The following LHX4 variants were observed in gnomAD, a reference collection of about 807,000 sequenced individuals.
LHX4 encodes LIM homeobox 4.
In LHX4, 16 loss-of-function variants were observed where a neutral mutation model predicts 39.2. That is an observed-to-expected ratio of 0.41 (90% confidence interval 0.28 to 0.62). The LOEUF is 0.62. LHX4 is among the 20% of genes least tolerant of loss of function. The pLI, the probability that LHX4 is intolerant of heterozygous loss-of-function variation, is 0.33. For missense variants in LHX4, 439 were observed against 511.9 expected, an observed-to-expected ratio of 0.86 and a Z score of 1.37; for synonymous variants, 206 against 198.1, an observed-to-expected ratio of 1.04 and a Z score of -0.33.
chr1:180,271,640 A>AC, intron 4 of LHX4, 106 bp downstream of exon 4: 1 of 1,463,652 alleles, frequency 6.8e-7, no homozygotes, highest in African/African-American at 1.4e-5. Flanking sequence ...TCAGGGCTTG[A>AC]CCCCAGGGCT....
At chr1:180,229,625 G>A (rs986960842), upstream of LHX4, among the ~76,000 whole-genome samples, 1 of 152,100 alleles carries the variant, frequency 6.6e-6, no homozygotes, top group Non-Finnish European at 1.5e-5. Context: ...GGAAAGAGGA[G>A]GAGGAAGATA....
At chr1:180,228,698 C>T (rs1398968629), upstream of LHX4, among the ~76,000 whole-genome samples, 1 of 152,138 alleles carries the variant, frequency 6.6e-6, no homozygotes, top group East Asian at 1.9e-4. Flanking sequence ...TACCAGGACA[C>T]ACAAAAGTCA....
rs760980223 is a variant in LHX4, at chr1:180,274,443, A to G, written c.1037A>G (p.Gln346Arg). The stretch of plus-strand genomic sequence containing the variant: ...TTGGGCATCATTGCGCATGCAGGGC[A>G]GGGAGTAAGCCAGACGCTGAGAGCC... ...SNLGIIAHAG[Q>R]GVSQTLRAMA... Residue 346 changes from glutamine to arginine, a missense_variant, in exon 6 of 6, where the codon CAG (glutamine) becomes CGG (arginine). Coordinates refer to ENST00000263726, the MANE Select transcript of LHX4 (RefSeq NM_033343.4). 1.2e-6 allele frequency: 2 copies of G among 1,614,240 alleles called. No individual in the cohort carries two copies. The highest frequency in any genetic ancestry group is 8.5e-7 in the Non-Finnish European group (1 of 1,180,048).
intron 2 of LHX4, among the ~76,000 whole-genome samples, chr1:180,262,784 A>G (rs903096736): frequency 1.3e-5 from 2 of 151,862 alleles, no homozygotes; most frequent in African/African-American, 4.8e-5. Flanking sequence ...TCGTTCACTC[A>G]TTCGTTTGCT....
At chr1:180,262,709 G>C (rs1399625196) in intron 2 of LHX4, among the ~76,000 whole-genome samples, 1 of 151,136 alleles carries the variant, frequency 6.6e-6, no homozygotes, top group Non-Finnish European at 1.5e-5. Flanking sequence ...AAAGAAAAGA[G>C]CTGCCATTAT....
intron 2 of LHX4, among the ~76,000 whole-genome samples, chr1:180,262,804 A>T (rs1648162978): frequency 6.6e-6 from 1 of 152,096 alleles, no homozygotes; most frequent in African/African-American, 2.4e-5. Context: ...TCATTCGTTC[A>T]TTCATTCATT....
At chr1:180,268,001 G>A (rs1401166367) in intron 3 of LHX4, among the ~76,000 whole-genome samples, 1 of 152,120 alleles carries the variant, frequency 6.6e-6, no homozygotes, top group Non-Finnish European at 1.5e-5. Flanking sequence ...GCCTTTCAGG[G>A]TGGACAGAGG....
intron 3 of LHX4, among the ~76,000 whole-genome samples, chr1:180,268,956 C>T (rs1648457874): frequency 6.6e-6 from 1 of 152,194 alleles, no homozygotes; most frequent in South Asian, 2.1e-4. Context: ...CAAAGGATCT[C>T]AGAGCAGTTA....
chr1:180,268,535 C>A (rs1648433026), intron 3 of LHX4, among the ~76,000 whole-genome samples: 1 of 152,208 alleles, frequency 6.6e-6, no homozygotes, highest in Non-Finnish European at 1.5e-5. Flanking sequence ...GATCTCCTGG[C>A]AAGTTGTAGA....
At chr1:180,236,700 T>C (rs965102952) in intron 1 of LHX4, among the ~76,000 whole-genome samples, 3 of 152,196 alleles carry the variant, frequency 2.0e-5, no homozygotes, top group African/African-American at 7.2e-5. Flanking sequence ...TGGAATCGGA[T>C]AAAGGGACCT....
chr1:180,239,067 CTTAG>C (rs763653036), intron 1 of LHX4, among the ~76,000 whole-genome samples: 9 of 152,208 alleles, frequency 5.9e-5, no homozygotes, highest in South Asian at 2.1e-4. Context: ...TAATAGACCT[CTTAG>C]TTAATTTAAT....
intron 2 of LHX4, among the ~76,000 whole-genome samples, chr1:180,254,889 T>C (rs1055961289): frequency 2.6e-5 from 4 of 152,094 alleles, no homozygotes; most frequent in African/African-American, 9.7e-5. Context: ...GTGCCCCACA[T>C]AGGGAGGAGG....
In LHX4 at chr1:180,234,554, G is replaced by C. The variant is rs1280311766; in HGVS notation, c.76+3949G>C. 6.6e-6 allele frequency among the ~76,000 whole-genome samples: 1 copy of C among 152,210 alleles called. No individual in the cohort carries two copies. The highest frequency in any genetic ancestry group is 1.5e-5 in the Non-Finnish European group (1 of 68,040). On this transcript the variant is annotated intron_variant, in intron 1 of 5. Coordinates refer to ENST00000263726, the MANE Select transcript of LHX4 (RefSeq NM_033343.4). This position sits in a 1 kb window ranked among gnomAD's most constrained non-coding sequence, Gnocchi z 4.8. Reference sequence around the variant, plus strand: ...GGGCTCCGGCCTCCTCCTTTCCAGGGCCTTGTTATCTGAGAGGGCCGTTAG... The same window carrying C: ...GGGCTCCGGCCTCCTCCTTTCCAGGCCCTTGTTATCTGAGAGGGCCGTTAG...
chr1:180,262,293 A>AAAAG (rs1648141090), intron 2 of LHX4, among the ~76,000 whole-genome samples: 1 of 151,462 alleles, frequency 6.6e-6, no homozygotes, highest in South Asian at 2.1e-4. Flanking sequence ...AAAAAAAAAA[A>AAAAG]AAAAAAAGGA....
Position 180,275,917 on chromosome 1 carries a change from AC to A in LHX4, c.*1343del, listed in dbSNP as rs943341574. The A allele has an allele frequency of 9.2e-5, 14 of 151,944 alleles. No individual in the cohort carries two copies. The highest frequency in any genetic ancestry group is 3.4e-4 in the African/African-American group (14 of 41,306). 9.4% of individuals were successfully genotyped at this position (151,944 alleles called of 1,614,324 possible). A position where few individuals can be genotyped will look rare whatever the true frequency, so the allele number is the denominator to read the frequency against. ...TAAGCCTGAGGCCAGAGCAAGGCCA[AC>A]CCCCGCTTTACGAGTTGCCACTCCT... is the stretch of plus-strand genomic sequence containing the variant. On this transcript the variant is annotated 3_prime_UTR_variant, in exon 6 of 6. Transcript: ENST00000263726.
chr1:180,248,562 C>T (rs544387818), intron 2 of LHX4, 106 bp downstream of exon 2: 2 of 1,224,864 alleles, frequency 1.6e-6, no homozygotes, highest in African/African-American at 1.5e-5. Context: ...GGAGAGTCCA[C>T]TCTGGGAGGG....
intron 2 of LHX4, among the ~76,000 whole-genome samples, chr1:180,254,946 T>A (rs1280759792): frequency 3.9e-5 from 6 of 152,010 alleles, no homozygotes; most frequent in Non-Finnish European, 4.4e-5. Context: ...AAGGACGGGG[T>A]CCTGGGGTTG....
intron 1 of LHX4, among the ~76,000 whole-genome samples, chr1:180,235,662 G>T (rs1289430583): frequency 6.6e-6 from 1 of 152,170 alleles, no homozygotes; most frequent in South Asian, 2.1e-4. Flanking sequence ...CTTGACGAGC[G>T]CTGGAAACGT....
At chr1:180,249,898 AGTGT>A (rs936965746) in intron 2 of LHX4, among the ~76,000 whole-genome samples, 3 of 146,564 alleles carry the variant, frequency 2.0e-5, no homozygotes, top group Admixed American at 6.6e-5. Context: ...TGTGTGTATG[AGTGT>A]GTGTGTGACA....
Sources: gnomAD v4.1 joint callset for allele counts (sites outside exome capture counted in the v4.1 genomes callset) on GRCh38, gnomAD v4.1.1 for gene constraint, Gnocchi (gnomAD v3.1) non-coding constraint, MANE v1.5 for transcripts, NCBI Gene and HGNC (gene_info 2026-07-23, HGNC 2026-07-21) for gene names.